Variants in ADGRD1 observed in about 807,000 individuals in gnomAD.
ADGRD1 encodes the protein adhesion G protein-coupled receptor D1.
A neutral mutation model predicts 113.4 loss-of-function variants in ADGRD1; 77 were observed. The observed-to-expected ratio is 0.68, with a 90% CI of 0.57 to 0.82. The LOEUF is 0.82. ADGRD1 is among the 40% of genes least tolerant of loss of function. The pLI is 0.00. For missense variants in ADGRD1, 1,036 were observed against 1,139.1 expected (o/e 0.91, Z 1.30); for synonymous variants, 474 against 475.0 (o/e 1.00, Z 0.03).
chr12:131,131,144 G>A (rs34318545), intron 20 of ADGRD1, among the ~76,000 whole-genome samples: 2,025 of 152,242 alleles, frequency 0.013, 22 homozygotes, highest in Non-Finnish European at 0.016. Context: ...AGCCTCTGCC[G>A]GGGCCCCTCA....
intron 6 of ADGRD1, chr12:130,990,127 T>G (rs974744911): frequency 5.9e-5 from 9 of 152,346 alleles, no homozygotes. Context: ...GACTCCTCTG[T>G]AACTCATTGG....
At chr12:130,999,762 A>C (rs1235337242) in intron 8 of ADGRD1, among the ~76,000 whole-genome samples, 1 of 152,178 alleles carries the variant, frequency 6.6e-6, no homozygotes, top group African/African-American at 2.4e-5. Flanking sequence ...TTATGGTTTT[A>C]TGGGAATGTG....
chr12:131,079,279 G>A (rs1009371791), intron 14 of ADGRD1, among the ~76,000 whole-genome samples: 3 of 152,178 alleles, frequency 2.0e-5, no homozygotes, highest in Non-Finnish European at 4.4e-5. Flanking sequence ...GAACATTTGG[G>A]TAGTTTTCAG....
Position 131,096,169 on chromosome 12 carries a change from T to A in ADGRD1, c.1672-8662T>A, listed in dbSNP as rs1887270218. On this transcript the variant is annotated intron_variant, in intron 15 of 24. Transcript: ENST00000261654. This position sits in a 1 kb window ranked among gnomAD's most constrained non-coding sequence, Gnocchi z 5.2. ...TTCTTTTTTTGTTTGTTTTTAAAATTTTCTGTACCTCAATGGATGCAAACC... is the reference window on the plus strand; with the variant it reads ...TTCTTTTTTTGTTTGTTTTTAAAATATTCTGTACCTCAATGGATGCAAACC... Among the ~76,000 whole-genome samples the A allele has an allele frequency of 6.6e-6, 1 of 152,200 alleles. No homozygotes were observed. The highest frequency in any genetic ancestry group is 6.5e-5 in the Admixed American group (1 of 15,280).
At chr12:131,127,975 C>T (rs1376875387) in intron 20 of ADGRD1, among the ~76,000 whole-genome samples, 3 of 81,214 alleles carry the variant, frequency 3.7e-5, no homozygotes, top group Admixed American at 1.1e-4. Flanking sequence ...TGATGGGACC[C>T]TGAGCTCAGG....
At chr12:130,977,958 T>G (rs928700467) in intron 4 of ADGRD1, 1 of 152,548 alleles carries the variant, frequency 6.6e-6, no homozygotes, top group Non-Finnish European at 1.5e-5. Context: ...AGACTCCAGA[T>G]CCAGGCTGCC....
chr12:130,971,969 G>C lies in ADGRD1; in HGVS notation c.310+389G>C, dbSNP rs1343621287. On this transcript the variant is annotated intron_variant, in intron 4 of 24. Transcript: ENST00000261654. The surrounding 1 kb of genome is among the most constrained non-coding windows in gnomAD (Gnocchi z 4.2). ...GATTTCTGGCTCTGGGATGTTGACG[G>C]TGAGCGGGCAGGGCATACCCAAGAA... Among the ~76,000 whole-genome samples the C allele has an allele frequency of 1.3e-5, 2 of 152,194 alleles. No homozygotes were observed. Among genetic ancestry groups the C allele is most frequent in the African/African-American group, 4.8e-5 (2 of 41,458 alleles).
At chr12:130,981,737 T>C (rs929986401) in intron 4 of ADGRD1, 147 bp from the exon 5 acceptor site, 30 of 588,508 alleles carry the variant, frequency 5.1e-5, no homozygotes, top group Non-Finnish European at 9.1e-5. Flanking sequence ...TATCACTGTC[T>C]GGATTTTCTG....
chr12:131,047,654 C>T (rs1882978307), intron 13 of ADGRD1, among the ~76,000 whole-genome samples: 1 of 152,200 alleles, frequency 6.6e-6, no homozygotes, highest in African/African-American at 2.4e-5. Context: ...CCGTTCCAGA[C>T]AAGAGTTAGC....
At position 131,022,879 on chromosome 12, in the gene ADGRD1, C is replaced by T. The variant is rs984293314; in HGVS notation, c.1473+8539C>T. ...GTGTGTGTGCTCTCAGAAGCACACGCATGCACCTGCATCTTCCTGCATTTT... is the reference window on the plus strand; with the variant it reads ...GTGTGTGTGCTCTCAGAAGCACACGTATGCACCTGCATCTTCCTGCATTTT... On this transcript the variant is annotated intron_variant, in intron 13 of 24. Transcript: ENST00000261654. The surrounding 1 kb of genome is among the most constrained non-coding windows in gnomAD (Gnocchi z 4.6). The T allele has an allele frequency of 4.0e-5, 6 of 151,378 alleles. No homozygotes were observed. The highest frequency in any genetic ancestry group is 2.1e-4 in the South Asian group (1 of 4,778). 9.4% of individuals were successfully genotyped at this position (151,378 alleles called of 1,614,324 possible).
intron 15 of ADGRD1, among the ~76,000 whole-genome samples, chr12:131,095,234 T>C (rs2137272569): frequency 6.6e-6 from 1 of 152,364 alleles, no homozygotes; most frequent in Middle Eastern, 3.4e-3. Flanking sequence ...TCAGCTTTGC[T>C]GTCAGCTCAG....
chr12:130,986,885 T>C (rs1250349177), intron 5 of ADGRD1: 2 of 559,352 alleles, frequency 3.6e-6, no homozygotes, highest in Non-Finnish European at 6.4e-6. Context: ...TTCTGGAATT[T>C]AGGGCATAAG....
In ADGRD1 at chr12:131,030,207, A is replaced by G. The variant is rs1371731012; in HGVS notation, c.1473+15867A>G. On this transcript the variant is annotated intron_variant, in intron 13 of 24. Coordinates refer to ENST00000261654, the MANE Select transcript of ADGRD1 (RefSeq NM_198827.5). ...CCCAGGCTCTGGGGTTAGGTTGTGG[A>G]CCCGTCGTAGGTGACATTCCCAGGC... 3.8e-5 allele frequency among the ~76,000 whole-genome samples: 4 copies of G among 106,126 alleles called. No homozygotes were observed. The East Asian group carries it at 1.1e-3, about 29-fold the overall frequency. The allele number at this position is 106,126 out of a possible 152,430, so 69.6% of individuals were successfully genotyped here. A position where few individuals can be genotyped will look rare whatever the true frequency, so the allele number is the denominator to read the frequency against.
Position 131,113,416 on chromosome 12 carries a change from C to T in ADGRD1, c.2041+4539C>T, listed in dbSNP as rs1417123327. Among the ~76,000 whole-genome samples, 1 of 152,036 alleles carries T rather than the reference C, an allele frequency of 6.6e-6. No homozygotes were observed. Among genetic ancestry groups the T allele is most frequent in the Non-Finnish European group, 1.5e-5 (1 of 68,022 alleles). On this transcript the variant is annotated intron_variant, in intron 18 of 24. Transcript: ENST00000261654. The surrounding 1 kb of genome is among the most constrained non-coding windows in gnomAD (Gnocchi z 4.9). ...GGGGTCCCAGTGAGCACTGGAGGCT[C>T]TAGGTTGGGCTGTGCATTGACACTT...
At chr12:131,016,985 A>G (rs895532136) in intron 13 of ADGRD1, among the ~76,000 whole-genome samples, 3 of 151,832 alleles carry the variant, frequency 2.0e-5, no homozygotes, top group Non-Finnish European at 4.4e-5. Context: ...CTTGTGAGTG[A>G]GGTGGGCACT....
chr12:131,089,193 G>C (rs1886727679), intron 15 of ADGRD1, among the ~76,000 whole-genome samples: 1 of 152,218 alleles, frequency 6.6e-6, no homozygotes, highest in Admixed American at 6.5e-5. Context: ...GGAGCTGAGG[G>C]GGGAACTGGA....
chr12:131,051,069 G>T (rs1189453791), intron 13 of ADGRD1, among the ~76,000 whole-genome samples: 1 of 152,226 alleles, frequency 6.6e-6, no homozygotes, highest in Non-Finnish European at 1.5e-5. Context: ...CCTCCCAGCA[G>T]GCCCCGCCTG....
intron 15 of ADGRD1, among the ~76,000 whole-genome samples, chr12:131,094,528 G>C (rs1269729432): frequency 2.0e-5 from 3 of 152,152 alleles, no homozygotes; most frequent in Admixed American, 6.5e-5. Flanking sequence ...CCTGGAGGCA[G>C]AAGAGGGTCC....
At chr12:130,974,316 A>T (rs1240762464) in intron 4 of ADGRD1, among the ~76,000 whole-genome samples, 1 of 152,146 alleles carries the variant, frequency 6.6e-6, no homozygotes, top group South Asian at 2.1e-4. Context: ...ACAAAAATCA[A>T]TGGTTATGTT....
Sources: gnomAD v4.1 joint callset for allele counts (sites outside exome capture counted in the v4.1 genomes callset) on GRCh38, gnomAD v4.1.1 for gene constraint, Gnocchi (gnomAD v3.1) non-coding constraint, MANE v1.5 for transcripts, NCBI Gene and HGNC (gene_info 2026-07-23, HGNC 2026-07-21) for gene names.